Variants in CAPSL observed in about 807,000 individuals in gnomAD.
The protein encoded by CAPSL is calcyphosine like, also known as calcyphosin-like protein.
Under a neutral mutation model 21.3 loss-of-function variants are expected in CAPSL, and 17 were observed. The ratio of observed to expected loss-of-function variants is 0.80; its 90% CI spans 0.55 to 1.20. The LOEUF (loss-of-function observed/expected upper bound fraction) is 1.20. Ranked by LOEUF, CAPSL falls within the 50% of genes most tolerant of loss-of-function variation. The probability of loss-of-function intolerance (pLI) is 0.00; values close to 1 mark genes in which losing one functional copy is unlikely to be tolerated. For synonymous variants in CAPSL, 102 were observed against 89.3 expected, an observed-to-expected ratio of 1.14 and a Z score of -0.80; for missense variants, 289 against 259.3, an observed-to-expected ratio of 1.11 and a Z score of -0.79.
intron 2 of CAPSL, among the ~76,000 whole-genome samples, chr5:35,917,301 A>G (rs1232893479): frequency 2.0e-5 from 3 of 152,208 alleles, no homozygotes; most frequent in Non-Finnish European, 4.4e-5. Flanking sequence ...TGTGGAAGTC[A>G]GTGTGGCAAT....
intron 2 of CAPSL, 68 bp from the exon 3 acceptor site, chr5:35,910,611 A>T (rs1344148096): frequency 2.5e-6 from 3 of 1,212,934 alleles, no homozygotes; most frequent in Non-Finnish European, 2.3e-6. Context: ...AAAGATTAAA[A>T]AAAAATCCAC....
At chr5:35,909,086 G>GTTT (rs34466604) in intron 4 of CAPSL, among the ~76,000 whole-genome samples, 9 of 144,848 alleles carry the variant, frequency 6.2e-5, no homozygotes, top group African/African-American at 2.3e-4. Flanking sequence ...CTGGCTCAGG[G>GTTT]TTTTTTTTTT....
intron 1 of CAPSL, among the ~76,000 whole-genome samples, chr5:35,923,156 T>C (rs1738582533): frequency 2.0e-5 from 3 of 152,214 alleles, no homozygotes; most frequent in Admixed American, 2.0e-4. Context: ...TCATTTCCCA[T>C]GACATCTCCC....
intron 1 of CAPSL, among the ~76,000 whole-genome samples, chr5:35,938,019 A>G (rs1411373845): frequency 6.6e-6 from 1 of 152,230 alleles, no homozygotes; most frequent in Non-Finnish European, 1.5e-5. Context: ...CAAGCCATGT[A>G]TGTACACTTT....
intron 1 of CAPSL, among the ~76,000 whole-genome samples, chr5:35,923,399 A>C (rs543193201): frequency 6.6e-6 from 1 of 152,084 alleles, no homozygotes; most frequent in East Asian, 1.9e-4. Context: ...TCCCACAAAA[A>C]CCCCTTGAGT....
At chr5:35,924,708 T>C (rs1738628234) in intron 1 of CAPSL, among the ~76,000 whole-genome samples, 1 of 151,970 alleles carries the variant, frequency 6.6e-6, no homozygotes, top group South Asian at 2.1e-4. Context: ...TGGAATAGAG[T>C]GTGGGAGTGT....
At chr5:35,933,373 G>A (rs1738868149) in intron 1 of CAPSL, among the ~76,000 whole-genome samples, 1 of 152,174 alleles carries the variant, frequency 6.6e-6, no homozygotes, top group African/African-American at 2.4e-5. Context: ...GGAAACTGAG[G>A]TACAGAGAGA....
chr5:35,912,777 A>G (rs988231066), intron 2 of CAPSL, among the ~76,000 whole-genome samples: 6 of 152,206 alleles, frequency 3.9e-5, no homozygotes, highest in Non-Finnish European at 5.9e-5. Flanking sequence ...GAGCAGAAAA[A>G]CTGGAAACTC....
At chr5:35,914,493 A>G (rs1406924687) in intron 2 of CAPSL, among the ~76,000 whole-genome samples, 3 of 152,206 alleles carry the variant, frequency 2.0e-5, no homozygotes, top group African/African-American at 7.2e-5. Flanking sequence ...AAAGAACAGA[A>G]ATTATAACAA....
chr5:35,904,398 T>A lies in CAPSL; in HGVS notation c.*147A>T, dbSNP rs528573353. On this transcript the variant is annotated 3_prime_UTR_variant, in exon 5 of 5. Transcript: ENST00000651391. ...ACTCAATGTCTTTTATTTCTGCCTG[T>A]TTTTTGGCCCCAGAAAATGCAATAT... 39 of 643,352 alleles carry A rather than the reference T, an allele frequency of 6.1e-5. No homozygotes were observed. The East Asian group carries it at 1.1e-3, about 18-fold the overall frequency. 39.9% of individuals were successfully genotyped at this position (643,352 alleles called of 1,614,324 possible).
chr5:35,910,953 A>T (rs1009893195), intron 2 of CAPSL, among the ~76,000 whole-genome samples: 2 of 152,138 alleles, frequency 1.3e-5, no homozygotes, highest in African/African-American at 4.8e-5. Context: ...TATCAATTTT[A>T]AAAAAATGAT....
intron 2 of CAPSL, among the ~76,000 whole-genome samples, chr5:35,917,714 T>C (rs1051656849): frequency 6.6e-6 from 1 of 152,050 alleles, no homozygotes; most frequent in Non-Finnish European, 1.5e-5. Context: ...CGGTGCCTGT[T>C]GTGGGGTGAA....
intron 4 of CAPSL, among the ~76,000 whole-genome samples, chr5:35,905,605 G>C (rs1056677778): frequency 1.3e-5 from 2 of 152,208 alleles, no homozygotes; most frequent in African/African-American, 2.4e-5. Context: ...TACATGCATA[G>C]AGCCTCTGTC....
intron 2 of CAPSL, 77 bp downstream of exon 2, chr5:35,920,907 A>G: frequency 6.7e-7 from 1 of 1,501,046 alleles, no homozygotes; most frequent in Admixed American, 1.9e-5. Context: ...CCCCAAGACC[A>G]CGTGGCCAAC....
chr5:35,909,569 C>T (rs1201293521), intron 4 of CAPSL, among the ~76,000 whole-genome samples: 3 of 152,162 alleles, frequency 2.0e-5, no homozygotes, highest in Non-Finnish European at 4.4e-5. Context: ...CATGTTTAAT[C>T]AGAACATCAC....
intron 4 of CAPSL, among the ~76,000 whole-genome samples, chr5:35,909,320 A>T (rs1738137618): frequency 6.6e-6 from 1 of 152,170 alleles, no homozygotes; most frequent in Non-Finnish European, 1.5e-5. Flanking sequence ...AAATCAGAGT[A>T]AATTCTGTTA....
chr5:35,915,311 A>C (rs1455457520), intron 2 of CAPSL, among the ~76,000 whole-genome samples: 1 of 152,228 alleles, frequency 6.6e-6, no homozygotes, highest in Non-Finnish European at 1.5e-5. Flanking sequence ...TTCCTTCTGA[A>C]ACTATTCCAG....
At chr5:35,932,446 G>A (rs935437778) in intron 1 of CAPSL, among the ~76,000 whole-genome samples, 9 of 152,206 alleles carry the variant, frequency 5.9e-5, no homozygotes, top group African/African-American at 1.9e-4. Flanking sequence ...AGGCAAGAAG[G>A]ATGCTCTTCC....
intron 1 of CAPSL, among the ~76,000 whole-genome samples, chr5:35,931,231 G>A (rs910943855): frequency 2.1e-4 from 32 of 152,106 alleles, no homozygotes; most frequent in African/African-American, 7.5e-4. Flanking sequence ...ACCTTTAGCT[G>A]GGTAAAATAA....
Sources: allele counts gnomAD v4.1 joint callset (sites outside exome capture counted in the v4.1 genomes callset), GRCh38; gene constraint gnomAD v4.1.1; transcripts MANE v1.5; gene names NCBI Gene and HGNC (gene_info 2026-07-23, HGNC 2026-07-21).